The following KIRREL3 variants were observed in gnomAD, a reference collection of about 807,000 sequenced individuals.
KIRREL3 encodes kirre like nephrin family adhesion molecule 3.
A neutral mutation model predicts 89.7 loss-of-function variants in KIRREL3; 36 were observed. That is an observed-to-expected ratio of 0.40 (90% CI 0.31 to 0.53). The LOEUF (loss-of-function observed/expected upper bound fraction) is 0.53, where lower values mean the gene tolerates loss of function less well. KIRREL3 is among the 20% of genes least tolerant of loss of function. KIRREL3 has a pLI of 0.49. For missense variants in KIRREL3, 864 were observed against 1,056.6 expected, an observed-to-expected ratio of 0.82 and a Z score of 2.53; for synonymous variants, 445 against 441.4, an observed-to-expected ratio of 1.01 and a Z score of -0.10.
At chr11:126,595,683 C>A (rs554047721) in intron 1 of KIRREL3, among the ~76,000 whole-genome samples, 2 of 152,278 alleles carry the variant, frequency 1.3e-5, no homozygotes, top group African/African-American at 4.8e-5. Context: ...AGAATGAGTT[C>A]TTTTTCTCCC....
At position 126,443,604 on chromosome 11, in the gene KIRREL3, C is replaced by T. The variant is rs574072835; in HGVS notation, c.1252+1375G>A. On this transcript the variant is annotated intron_variant, in intron 10 of 16. Transcript: ENST00000525144. This position sits in a 1 kb window ranked among gnomAD's most constrained non-coding sequence, Gnocchi z 7.3. The stretch of plus-strand genomic sequence containing the variant: ...GGGTGGGGGGAGAGGAATGGAAATG[C>T]GGGGCAGTGTGGGGGGAGCTGGTGA... 4.0e-5 allele frequency among the ~76,000 whole-genome samples: 6 copies of T among 148,386 alleles called. No individual in the cohort carries two copies. The highest frequency in any genetic ancestry group is 4.3e-4 in the South Asian group (2 of 4,600).
At position 126,428,971 on chromosome 11, in the gene KIRREL3, A is replaced by G. The variant is rs1211910725; in HGVS notation, c.1806+208T>C. Among the ~76,000 whole-genome samples, 2 of 152,158 alleles carry G rather than the reference A, an allele frequency of 1.3e-5. No individual in the cohort carries two copies. Among genetic ancestry groups the G allele is most frequent in the Non-Finnish European group, 2.9e-5 (2 of 68,036 alleles). ...CTGGACTGCATCTTAGATGTCTTTGAGTCTGCCAGAACACAAGCACAGTAC... is the reference window on the plus strand; with the variant it reads ...CTGGACTGCATCTTAGATGTCTTTGGGTCTGCCAGAACACAAGCACAGTAC... On this transcript the variant is annotated intron_variant, in intron 15 of 16. Coordinates refer to ENST00000525144, the MANE Select transcript of KIRREL3 (RefSeq NM_032531.4). The surrounding 1 kb of genome is among the most constrained non-coding windows in gnomAD (Gnocchi z 6.4).
At chr11:126,674,128 C>T (rs1946081717) in intron 1 of KIRREL3, among the ~76,000 whole-genome samples, 1 of 152,216 alleles carries the variant, frequency 6.6e-6, no homozygotes, top group African/African-American at 2.4e-5. Context: ...AACCATTTGG[C>T]TCTGCTGGAA....
At chr11:126,435,153 CGG>C in intron 13 of KIRREL3, 113 bp downstream of exon 13, 1 of 1,083,356 alleles carries the variant, frequency 9.2e-7, no homozygotes, top group Admixed American at 1.8e-5. Context: ...CGGGGGAGGG[CGG>C]AGACACTAGC....
rs1340555614 is a variant in KIRREL3, at chr11:126,563,986, C to T, written c.56-1074G>A. On this transcript the variant is annotated intron_variant, in intron 1 of 16. Transcript: ENST00000525144. The surrounding 1 kb of genome is among the most constrained non-coding windows in gnomAD (Gnocchi z 6.8). ...GACTTCCCACGATTGTCTTAGACCCCCACCCCACCTTGTAGCATAGAAGTC... is the reference window on the plus strand; with the variant it reads ...GACTTCCCACGATTGTCTTAGACCCTCACCCCACCTTGTAGCATAGAAGTC... Among the ~76,000 whole-genome samples, 1 of 152,172 alleles carries T rather than the reference C, an allele frequency of 6.6e-6. No individual in the cohort carries two copies. The highest frequency in any genetic ancestry group is 1.5e-5 in the Non-Finnish European group (1 of 68,032).
In KIRREL3 at chr11:126,965,901, C is replaced by T. The variant is rs1358622329; in HGVS notation, c.55+34554G>A. 6.6e-6 allele frequency among the ~76,000 whole-genome samples: 1 copy of T among 152,086 alleles called. No homozygotes were observed. The highest frequency in any genetic ancestry group is 1.5e-5 in the Non-Finnish European group (1 of 68,024). ...GTGCCATGTAATCCACAGGTAGGTACTTGAGTGGACTGGCCTCAACTTGTA... is the reference window on the plus strand; with the variant it reads ...GTGCCATGTAATCCACAGGTAGGTATTTGAGTGGACTGGCCTCAACTTGTA... On this transcript the variant is annotated intron_variant, in intron 1 of 16. Coordinates refer to ENST00000525144, the MANE Select transcript of KIRREL3 (RefSeq NM_032531.4). The surrounding 1 kb of genome is among the most constrained non-coding windows in gnomAD (Gnocchi z 4.4).
At position 126,575,202 on chromosome 11, in the gene KIRREL3, A is replaced by G. The variant is rs111787687; in HGVS notation, c.56-12290T>C. Among the ~76,000 whole-genome samples, 4,665 of 152,288 alleles carry G rather than the reference A, an allele frequency of 0.031. 103 individuals are homozygous for G. Among genetic ancestry groups the G allele is most frequent in the Non-Finnish European group, 0.048 (3,245 of 68,022 alleles). ...AGAAGCCCGGGGAGTAGGAAGTTCT[A>G]TGCTACCCTGGCTTGAAGCTTTGGA... On this transcript the variant is annotated intron_variant, in intron 1 of 16. Transcript: ENST00000525144. The surrounding 1 kb of genome is among the most constrained non-coding windows in gnomAD (Gnocchi z 7.0).
At position 126,977,261 on chromosome 11, in the gene KIRREL3, G is replaced by C. The variant is rs1216295739; in HGVS notation, c.55+23194C>G. On this transcript the variant is annotated intron_variant, in intron 1 of 16. Transcript: ENST00000525144. This position sits in a 1 kb window ranked among gnomAD's most constrained non-coding sequence, Gnocchi z 4.7. ...TTTTCAAAACTGAGCTCCTTGGAGA[G>C]TGTCTGCGCAGTCAGGTTGGTTTCT... Among the ~76,000 whole-genome samples, 3 of 152,132 alleles carry C rather than the reference G, an allele frequency of 2.0e-5. No homozygotes were observed. The highest frequency in any genetic ancestry group is 7.2e-5 in the African/African-American group (3 of 41,434).
At chr11:126,598,918 C>T (rs11601963) in intron 1 of KIRREL3, among the ~76,000 whole-genome samples, 13,669 of 152,286 alleles carry the variant, frequency 0.09, 714 homozygotes, top group Middle Eastern at 0.13. Context: ...CTGAAGATCA[C>T]GTGGTTTTTG....
Position 126,521,545 on chromosome 11 carries a change from C to A in KIRREL3, c.284-81G>T. On this transcript the variant is annotated intron_variant, in intron 3 of 16. Transcript: ENST00000525144. The surrounding 1 kb of genome is among the most constrained non-coding windows in gnomAD (Gnocchi z 4.1). ...GACAAAGAGGCACAGAATGGAGGAC[C>A]CAAGCAGGGGCCATTCTACAAGGCT... The A allele has an allele frequency of 7.7e-7, 1 of 1,298,444 alleles. No individual in the cohort carries two copies. Among genetic ancestry groups the A allele is most frequent in the South Asian group, 1.4e-5 (1 of 72,498 alleles). 80.4% of individuals were successfully genotyped at this position (1,298,444 alleles called of 1,614,324 possible).
intron 1 of KIRREL3, among the ~76,000 whole-genome samples, chr11:126,871,556 C>T (rs1413471252): frequency 6.6e-6 from 1 of 152,082 alleles, no homozygotes; most frequent in African/African-American, 2.4e-5. Flanking sequence ...TAGTCATTCT[C>T]CTGGACTCTT....
intron 3 of KIRREL3, among the ~76,000 whole-genome samples, chr11:126,524,397 G>T (rs796427452): frequency 6.6e-6 from 1 of 152,144 alleles, no homozygotes; most frequent in South Asian, 2.1e-4. Flanking sequence ...GACCCTTTGG[G>T]GTTAACAGGC....
rs1344316208 is a variant in KIRREL3, at chr11:126,685,326, T to G, written c.56-122414A>C. Among the ~76,000 whole-genome samples, 1 of 151,812 alleles carries G rather than the reference T, an allele frequency of 6.6e-6. No individual in the cohort carries two copies. The highest frequency in any genetic ancestry group is 1.5e-5 in the Non-Finnish European group (1 of 67,978). ...GGCCTGCCTCACACCCAGCACTGGGTGGGTTTTGTGCAGGAGAACTTCTTG... is the reference window on the plus strand; with the variant it reads ...GGCCTGCCTCACACCCAGCACTGGGGGGGTTTTGTGCAGGAGAACTTCTTG... On this transcript the variant is annotated intron_variant, in intron 1 of 16. Transcript: ENST00000525144. This position sits in a 1 kb window ranked among gnomAD's most constrained non-coding sequence, Gnocchi z 5.5.
chr11:126,429,338 G>C lies in KIRREL3; in HGVS notation c.1697-50C>G. 1 of 1,347,546 alleles carries C rather than the reference G, an allele frequency of 7.4e-7. No homozygotes were observed. The highest frequency in any genetic ancestry group is 1.2e-5 in the South Asian group (1 of 84,170). The allele number at this position is 1,347,546 out of a possible 1,614,324, so 83.5% of individuals were successfully genotyped here. Reference sequence around the variant, plus strand: ...GATGATAGATTTAGTTCTTACCTTTGAGATGTCAAGCTCCCTTGCAGTCCC... The same window carrying C: ...GATGATAGATTTAGTTCTTACCTTTCAGATGTCAAGCTCCCTTGCAGTCCC... On this transcript the variant is annotated intron_variant, in intron 14 of 16. Coordinates refer to ENST00000525144, the MANE Select transcript of KIRREL3 (RefSeq NM_032531.4). The surrounding 1 kb of genome is among the most constrained non-coding windows in gnomAD (Gnocchi z 5.2).
chr11:126,490,855 C>T lies in KIRREL3; in HGVS notation c.434-17389G>A, dbSNP rs571395009. The stretch of plus-strand genomic sequence containing the variant: ...TAGCATTTGGAGTCAAATAGGAAGA[C>T]GCCACTGCTTCCTTCTGGAGTGCAA... On this transcript the variant is annotated intron_variant, in intron 4 of 16. Transcript: ENST00000525144. This position sits in a 1 kb window ranked among gnomAD's most constrained non-coding sequence, Gnocchi z 4.2. Among the ~76,000 whole-genome samples the T allele has an allele frequency of 2.0e-5, 3 of 152,272 alleles. No homozygotes were observed. The highest frequency in any genetic ancestry group is 3.9e-4 in the East Asian group (2 of 5,168).
chr11:126,560,517 G>A (rs1349047127), intron 2 of KIRREL3, among the ~76,000 whole-genome samples: 1 of 152,162 alleles, frequency 6.6e-6, no homozygotes, highest in Non-Finnish European at 1.5e-5. Flanking sequence ...TAAAGCTCCT[G>A]TTCATTCATT....
rs1948351171 is a variant in KIRREL3, at chr11:126,939,612, C to T, written c.55+60843G>A. 2.0e-5 allele frequency among the ~76,000 whole-genome samples: 3 copies of T among 152,058 alleles called. No individual in the cohort carries two copies. The South Asian group carries it at 6.2e-4, about 31-fold the overall frequency. ...CATCACTTCGATTTGTGAGGTAAGA[C>T]AAAAAGGACAGGTGAACTAGGAGGA... On this transcript the variant is annotated intron_variant, in intron 1 of 16. Transcript: ENST00000525144.
chr11:126,988,409 G>A (rs1949932567), intron 1 of KIRREL3: 1 of 152,776 alleles, frequency 6.5e-6, no homozygotes, highest in African/African-American at 2.4e-5. Context: ...ATGAAGGAGG[G>A]GACCCACCGG....
At chr11:126,856,412 T>C (rs918048720) in intron 1 of KIRREL3, among the ~76,000 whole-genome samples, 2 of 152,140 alleles carry the variant, frequency 1.3e-5, no homozygotes, top group South Asian at 2.1e-4. Flanking sequence ...TGTTTTAAAG[T>C]ATGATTTAAC....
Sources: allele counts gnomAD v4.1 joint callset (sites outside exome capture counted in the v4.1 genomes callset), GRCh38; gene constraint gnomAD v4.1.1; non-coding constraint Gnocchi (gnomAD v3.1); transcripts MANE v1.5; gene names NCBI Gene and HGNC (gene_info 2026-07-23, HGNC 2026-07-21).